The following SFXN1 variants were observed in gnomAD, a reference collection of about 807,000 sequenced individuals.
SFXN1 encodes sideroflexin 1, also known as sideroflexin-1.
SFXN1 carries 32 observed loss-of-function variants against 39.5 expected under a neutral mutation model. The ratio of observed to expected loss-of-function variants is 0.81; its 90% CI spans 0.61 to 1.09. SFXN1 has a LOEUF of 1.09. Among genes scored for constraint, SFXN1 ranks in the 50% least tolerant of loss-of-function variants. The pLI, the probability that SFXN1 is intolerant of heterozygous loss-of-function variation, is 0.00. For synonymous variants in SFXN1, 136 were observed against 146.5 expected (o/e 0.93, Z 0.52); for missense variants, 402 against 407.1 (o/e 0.99, Z 0.11).
intron 10 of SFXN1, chr5:175,525,749 C>G (rs1478039512): frequency 5.3e-5 from 8 of 152,122 alleles, no homozygotes; most frequent in Non-Finnish European, 2.9e-5. Context: ...GCTGGAGCCA[C>G]AGGCATACAC....
intron 8 of SFXN1, among the ~76,000 whole-genome samples, chr5:175,520,796 G>A (rs1760857267): frequency 6.6e-6 from 1 of 152,184 alleles, no homozygotes; most frequent in Admixed American, 6.5e-5. Context: ...GGAGTATTTA[G>A]CATCTCCTTA....
intron 5 of SFXN1, 76 bp from the exon 6 acceptor site, chr5:175,512,035 C>G: frequency 7.3e-7 from 1 of 1,369,656 alleles, no homozygotes; most frequent in East Asian, 2.3e-5. Context: ...TCAGAGTTTT[C>G]AAGAAGAAAT....
intron 2 of SFXN1, among the ~76,000 whole-genome samples, chr5:175,506,283 G>A (rs1256623382): frequency 6.6e-6 from 1 of 152,122 alleles, no homozygotes; most frequent in African/African-American, 2.4e-5. Flanking sequence ...TTTCAGGACA[G>A]CAGATAACAC....
At chr5:175,500,949 T>C (rs1249755788) in intron 2 of SFXN1, among the ~76,000 whole-genome samples, 2 of 152,076 alleles carry the variant, frequency 1.3e-5, no homozygotes, top group Non-Finnish European at 2.9e-5. Context: ...GCTTAACTCA[T>C]CCTGTAAACA....
In SFXN1 at chr5:175,492,243, C is replaced by T. The variant is rs552176275; in HGVS notation, c.140C>T (p.Ala47Val). The change falls in exon 2 of 11, where the codon GCG becomes GTG. Residue 47 changes from alanine to valine, a missense_variant. By Grantham distance (64) the Ala-to-Val change is moderately conservative (BLOSUM62 0). Coordinates refer to ENST00000321442, the MANE Select transcript of SFXN1 (RefSeq NM_022754.7). ...ILLTNEQLESARKIVHDYRQG... is the reference protein window; with the variant it reads ...ILLTNEQLESVRKIVHDYRQG... ...TTAACCAACGAACAACTCGAGAGTG[C>T]GAGAAAAATAGTACATGATTACAGG... 43 of 1,610,692 alleles carry T rather than the reference C, an allele frequency of 2.7e-5. No individual in the cohort carries two copies. The highest frequency in any genetic ancestry group is 1.6e-4 in the Middle Eastern group (1 of 6,066).
chr5:175,500,852 G>A (rs758948127), intron 2 of SFXN1, among the ~76,000 whole-genome samples: 3 of 152,112 alleles, frequency 2.0e-5, no homozygotes, highest in Non-Finnish European at 4.4e-5. Context: ...ATGTAAAGGA[G>A]CCAAGATAAT....
intron 8 of SFXN1, 34 bp downstream of exon 8, chr5:175,516,697 CTTT>C (rs778488925): frequency 6.3e-7 from 1 of 1,597,044 alleles, no homozygotes; most frequent in Admixed American, 1.7e-5. Flanking sequence ...TTTCTCAACC[CTTT>C]TTATTTCTTT....
intron 2 of SFXN1, among the ~76,000 whole-genome samples, chr5:175,493,343 G>T (rs1009966214): frequency 6.6e-6 from 1 of 152,206 alleles, no homozygotes; most frequent in African/African-American, 2.4e-5. Flanking sequence ...CTGCACTGGG[G>T]GAAAGTCAAT....
intron 2 of SFXN1, among the ~76,000 whole-genome samples, chr5:175,500,174 G>GA (rs1192702894): frequency 6.6e-6 from 1 of 151,924 alleles, no homozygotes; most frequent in African/African-American, 2.4e-5. Context: ...GGTGACAAGA[G>GA]AAAACTCTGT....
intron 2 of SFXN1, among the ~76,000 whole-genome samples, chr5:175,493,768 TAGAG>T (rs1368616227): frequency 3.3e-5 from 5 of 152,138 alleles, no homozygotes; most frequent in East Asian, 3.9e-4. Context: ...CAATTACCGA[TAGAG>T]AGAATGAACC....
intron 1 of SFXN1, among the ~76,000 whole-genome samples, chr5:175,486,393 A>G (rs1274987081): frequency 2.0e-5 from 3 of 152,244 alleles, no homozygotes; most frequent in African/African-American, 7.2e-5. Flanking sequence ...CAGCTTCCGC[A>G]TAATAAGCGC....
chr5:175,478,652 C>T lies in SFXN1; in HGVS notation c.-10+13C>T. The T allele has an allele frequency of 7.0e-6, 1 of 142,964 alleles. No individual in the cohort carries two copies. The allele number at this position is 142,964 out of a possible 1,614,324, so 8.9% of individuals were successfully genotyped here. A position where few individuals can be genotyped will look rare whatever the true frequency, so the allele number is the denominator to read the frequency against. On this transcript the variant is annotated intron_variant, in intron 1 of 10. Transcript: ENST00000321442. ...CCCGGGGGAAGCGGTGAGTCGCGGG[C>T]GGCAGGCCCAGCCAGGTGGGTGGGG...
chr5:175,493,204 G>T (rs1759724387), intron 2 of SFXN1, among the ~76,000 whole-genome samples: 2 of 152,006 alleles, frequency 1.3e-5, no homozygotes, highest in Non-Finnish European at 2.9e-5. Context: ...AGTGAGCCAG[G>T]ATCGTGCCAC....
intron 7 of SFXN1, 45 bp downstream of exon 7, chr5:175,513,635 A>G: frequency 6.2e-7 from 1 of 1,601,480 alleles, no homozygotes; most frequent in South Asian, 1.1e-5. Flanking sequence ...AGGTTGAACC[A>G]GCGTTCACGG....
chr5:175,483,182 A>G (rs866341209), intron 1 of SFXN1, among the ~76,000 whole-genome samples: 7 of 152,240 alleles, frequency 4.6e-5, no homozygotes, highest in African/African-American at 1.7e-4. Context: ...TAATTTTTCA[A>G]CATATATCAT....
chr5:175,517,235 C>CTGT (rs900571322), intron 8 of SFXN1, among the ~76,000 whole-genome samples: 2 of 152,196 alleles, frequency 1.3e-5, no homozygotes, highest in African/African-American at 4.8e-5. Context: ...TTGTTCCAGG[C>CTGT]TGTTACACAA....
chr5:175,520,194 A>C (rs954742360), intron 8 of SFXN1, among the ~76,000 whole-genome samples: 1 of 151,562 alleles, frequency 6.6e-6, no homozygotes, highest in Non-Finnish European at 1.5e-5. Flanking sequence ...TACTTCATTG[A>C]ATATATATAT....
At chr5:175,515,829 A>G (rs942366541) in intron 7 of SFXN1, among the ~76,000 whole-genome samples, 1 of 152,198 alleles carries the variant, frequency 6.6e-6, no homozygotes, top group Non-Finnish European at 1.5e-5. Flanking sequence ...ATTACATTGT[A>G]ACATATAATG....
chr5:175,518,000 C>G (rs969466825), intron 8 of SFXN1, among the ~76,000 whole-genome samples: 2 of 152,050 alleles, frequency 1.3e-5, no homozygotes, highest in Non-Finnish European at 2.9e-5. Flanking sequence ...AACGGTGATG[C>G]TTGGGGAGCA....
Sources: allele counts gnomAD v4.1 joint callset (sites outside exome capture counted in the v4.1 genomes callset), GRCh38; gene constraint gnomAD v4.1.1; transcripts MANE v1.5; gene names NCBI Gene and HGNC (gene_info 2026-07-23, HGNC 2026-07-21).